ATP8A1: variants seen among roughly 807,000 people sequenced by gnomAD.
ATP8A1 encodes phospholipid-transporting ATPase IA.
In ATP8A1, 90 loss-of-function variants were observed where a neutral mutation model predicts 177.7. That is an observed-to-expected ratio of 0.51 (90% confidence interval 0.43 to 0.60). The LOEUF (loss-of-function observed/expected upper bound fraction) is 0.60. Ranked by LOEUF, ATP8A1 falls within the 20% of genes least tolerant of loss-of-function variation. The pLI is 0.00. For missense variants in ATP8A1, 1,072 were observed against 1,392.8 expected, an observed-to-expected ratio of 0.77 and a Z score of 3.67; for synonymous variants, 493 against 485.9, an observed-to-expected ratio of 1.01 and a Z score of -0.19.
chr4:42,490,956 C>T (rs539160135), intron 24 of ATP8A1, among the ~76,000 whole-genome samples: 1 of 152,134 alleles, frequency 6.6e-6, no homozygotes, highest in East Asian at 1.9e-4. Context: ...AACAGAATAA[C>T]CAAATTATTA....
intron 30 of ATP8A1, among the ~76,000 whole-genome samples, chr4:42,450,364 C>T (rs2153177478): frequency 1.3e-5 from 2 of 152,214 alleles, no homozygotes; most frequent in South Asian, 4.2e-4. Context: ...TGGGGCTTCT[C>T]TATTGGATGA....
At chr4:42,562,916 T>C (rs1447293864) in intron 15 of ATP8A1, among the ~76,000 whole-genome samples, 1 of 152,328 alleles carries the variant, frequency 6.6e-6, no homozygotes, top group South Asian at 2.1e-4. Flanking sequence ...ATAAACCTCT[T>C]TCTTCTGTAA....
intron 30 of ATP8A1, among the ~76,000 whole-genome samples, chr4:42,447,630 C>T (rs1034825722): frequency 1.3e-5 from 2 of 152,148 alleles, no homozygotes; most frequent in Admixed American, 6.5e-5. Context: ...ATATATAATA[C>T]AGTGATGCAT....
intron 25 of ATP8A1, among the ~76,000 whole-genome samples, chr4:42,482,072 T>A (rs1721726490): frequency 6.6e-6 from 1 of 151,876 alleles, no homozygotes; most frequent in African/African-American, 2.4e-5. Flanking sequence ...GGAGGCCGAG[T>A]GTGTGGACTG....
intron 20 of ATP8A1, among the ~76,000 whole-genome samples, chr4:42,537,198 G>T (rs1163922396): frequency 6.7e-6 from 1 of 150,002 alleles, no homozygotes; most frequent in Non-Finnish European, 1.5e-5. Context: ...TGCAGAAAAG[G>T]CATTTGACAA....
At chr4:42,445,397 CAG>C (rs1425367094) in intron 31 of ATP8A1, among the ~76,000 whole-genome samples, 10 of 152,130 alleles carry the variant, frequency 6.6e-5, no homozygotes, top group Admixed American at 6.6e-4. Context: ...ACCAATCTTA[CAG>C]AGATTTTTTT....
intron 25 of ATP8A1, among the ~76,000 whole-genome samples, chr4:42,476,554 G>T (rs567567553): frequency 6.6e-6 from 1 of 152,138 alleles, no homozygotes; most frequent in South Asian, 2.1e-4. Flanking sequence ...GGGAGGCAGA[G>T]GTTGCAGTCA....
intron 33 of ATP8A1, among the ~76,000 whole-genome samples, chr4:42,429,584 G>A (rs982882578): frequency 3.5e-4 from 53 of 152,044 alleles, no homozygotes; most frequent in African/African-American, 1.2e-3. Flanking sequence ...TGGCTGCCCT[G>A]GCCAAAATCC....
intron 4 of ATP8A1, among the ~76,000 whole-genome samples, chr4:42,621,931 C>G (rs1272588078): frequency 6.6e-6 from 1 of 152,240 alleles, no homozygotes; most frequent in Admixed American, 6.5e-5. Context: ...AGACTGCACA[C>G]CTACAACCAT....
At chr4:42,503,556 A>G (rs759776337) in intron 23 of ATP8A1, 42 bp from the exon 24 acceptor site, 1 of 1,294,896 alleles carries the variant, frequency 7.7e-7, no homozygotes, top group Non-Finnish European at 1.1e-6. Context: ...ATTTCTCCAG[A>G]GAATATGTAA....
At position 42,503,485 on chromosome 4, in the gene ATP8A1, T is replaced by C. The variant is rs1724052771; in HGVS notation, c.2116A>G (p.Met706Val). ...GHSCKLLKKN[M>V]GMIVINEGSL... ...CCTTCATTTATAACAATCATTCCCA[T>C]GTTCTTCTTCAACAGTTTGCAGGAG... The change falls in exon 24 of 37, where the codon ATG becomes GTG. Residue 706 changes from methionine to valine, a missense_variant. Physicochemically the swap from Met to Val is conservative, Grantham distance 21. Around this residue, in one of 5 missense-constraint regions of ATP8A1, gnomAD observed 388 missense variants for 471.7 expected, o/e 0.82. Coordinates refer to ENST00000381668, the MANE Select transcript of ATP8A1 (RefSeq NM_006095.2). The C allele has an allele frequency of 2.5e-6, 4 of 1,608,564 alleles. 1 individual carries two copies. The Admixed American group carries it at 5.0e-5, about 20-fold the overall frequency.
At chr4:42,485,803 T>G (rs1722136935) in intron 24 of ATP8A1, 135 bp from the exon 25 acceptor site, 10 of 732,336 alleles carry the variant, frequency 1.4e-5, no homozygotes, top group East Asian at 8.3e-5. Flanking sequence ...TCACATACTT[T>G]CAGTCATTTG....
At chr4:42,506,468 G>GT (rs1355471852) in intron 23 of ATP8A1, among the ~76,000 whole-genome samples, 3 of 152,282 alleles carry the variant, frequency 2.0e-5, no homozygotes. Context: ...CCAGCTCGTG[G>GT]TATTTTGTTA....
chr4:42,545,878 G>T (rs1728861785), intron 19 of ATP8A1, among the ~76,000 whole-genome samples: 2 of 152,128 alleles, frequency 1.3e-5, no homozygotes, highest in African/African-American at 4.8e-5. Context: ...GGAGGCTGAG[G>T]CATGAGAATA....
intron 33 of ATP8A1, among the ~76,000 whole-genome samples, chr4:42,428,394 C>T (rs892078130): frequency 2.1e-4 from 32 of 152,308 alleles, no homozygotes; most frequent in South Asian, 4.1e-4. Context: ...CAGGGAATGG[C>T]ATCATCCCTG....
intron 30 of ATP8A1, among the ~76,000 whole-genome samples, chr4:42,448,144 T>C (rs577999286): frequency 1.8e-4 from 27 of 152,240 alleles, no homozygotes; most frequent in Admixed American, 5.2e-4. Flanking sequence ...TTCTGAAAAG[T>C]ATTTTCCAAA....
intron 5 of ATP8A1, among the ~76,000 whole-genome samples, chr4:42,601,519 T>C (rs1010346136): frequency 6.7e-6 from 1 of 150,066 alleles, no homozygotes; most frequent in Admixed American, 6.6e-5. Flanking sequence ...TAACACTGAG[T>C]ATGCTAATAA....
intron 25 of ATP8A1, among the ~76,000 whole-genome samples, chr4:42,477,806 TAA>T (rs752928528): frequency 6.8e-4 from 70 of 102,892 alleles, no homozygotes; most frequent in Middle Eastern, 5.3e-3. Context: ...ACCCTGTCTC[TAA>T]AAAAAAAAAA....
rs116445025 is a variant in ATP8A1, at chr4:42,421,261, T to G, written c.3305+1546A>C. Among the ~76,000 whole-genome samples, 927 of 152,272 alleles carry G rather than the reference T, an allele frequency of 6.1e-3. 7 individuals carry two copies. Among genetic ancestry groups the G allele is most frequent in the African/African-American group, 0.021 (879 of 41,552 alleles). On this transcript the variant is annotated intron_variant, in intron 35 of 36. Transcript: ENST00000381668. ...GTATTATCATTCCCATCCTGTACAC[T>G]GGGATGCTGAGTCAGAGATTAAGTA...
Sources: gnomAD v4.1 joint callset for allele counts (sites outside exome capture counted in the v4.1 genomes callset) on GRCh38, gnomAD v4.1.1 for gene constraint, gnomAD v4.1.1 regional missense constraint, MANE v1.5 for transcripts, NCBI Gene and HGNC (gene_info 2026-07-23, HGNC 2026-07-21) for gene names.